Variants in PI15 observed in about 807,000 individuals in gnomAD.
The protein encoded by PI15 is 25 kDa trypsin inhibitor.
PI15 carries 18 observed loss-of-function variants against 31.0 expected under a neutral mutation model. That is an observed-to-expected ratio of 0.58 (90% CI 0.40 to 0.86). The LOEUF is 0.86. Among genes scored for constraint, PI15 ranks in the 40% least tolerant of loss-of-function variants. The probability of loss-of-function intolerance (pLI) is 0.00; values close to 1 mark genes in which losing one functional copy is unlikely to be tolerated. For missense variants in PI15, 282 were observed against 328.1 expected, an observed-to-expected ratio of 0.86 and a Z score of 1.09; for synonymous variants, 118 against 119.1, an observed-to-expected ratio of 0.99 and a Z score of 0.06.
rs1305710224 is a variant in PI15 at position 74,845,463 on chromosome 8, C to A, written c.607C>A (p.Arg203Ser). ...NMNVWGSVWR[R>S]AVYLVCNYAP... Reference sequence around the variant, plus strand: ...GAATGTTTGGGGATCTGTGTGGCGACGTGCAGTTTACTTGGTATGCAACTA... The same window carrying A: ...GAATGTTTGGGGATCTGTGTGGCGAAGTGCAGTTTACTTGGTATGCAACTA... The change falls in exon 5 of 6, where the codon CGT becomes AGT. Residue 203 changes from arginine (R) to serine (S), a missense_variant. Arg to Ser is a moderately radical substitution (Grantham distance 110, BLOSUM62 -1). Transcript: ENST00000260113. 2 of 1,613,434 alleles carry A rather than the reference C, an allele frequency of 1.2e-6. No homozygotes were observed. The highest frequency in any genetic ancestry group is 3.3e-5 in the Admixed American group (2 of 60,000).
rs574211947 is a variant in PI15, at chr8:74,844,826, C to T, written c.393-302C>T. On this transcript the variant is annotated intron_variant, in intron 3 of 5. Transcript: ENST00000260113. ...ATAAAATTCTGATGGAGGAAGTTTTCGACATGGATTAAATAAGACATTGAT... is the reference window on the plus strand; with the variant it reads ...ATAAAATTCTGATGGAGGAAGTTTTTGACATGGATTAAATAAGACATTGAT... 13 of 277,226 alleles carry T rather than the reference C, an allele frequency of 4.7e-5. 1 individual carries two copies. Among genetic ancestry groups the T allele is most frequent in the East Asian group, 4.6e-4 (7 of 15,118 alleles). The allele number at this position is 277,226 out of a possible 1,614,324, so 17.2% of individuals were successfully genotyped here.
intron 2 of PI15, among the ~76,000 whole-genome samples, chr8:74,835,877 C>A (rs189093387): frequency 6.6e-6 from 1 of 152,280 alleles, no homozygotes; most frequent in East Asian, 1.9e-4. Flanking sequence ...ATTTTTCTTT[C>A]ATGTATTCCT....
intron 5 of PI15, among the ~76,000 whole-genome samples, chr8:74,847,384 G>T (rs1380569312): frequency 2.0e-5 from 3 of 151,688 alleles, no homozygotes; most frequent in African/African-American, 7.3e-5. Flanking sequence ...GGTGGAGGTT[G>T]CAGTGAGCTG....
At chr8:74,844,121 G>A in intron 3 of PI15, 22 bp downstream of exon 3, 1 of 1,000,986 alleles carries the variant, frequency 1.0e-6, no homozygotes, top group South Asian at 1.3e-5. Flanking sequence ...TTTCACTGAT[G>A]CAGTTCATCC....
intron 2 of PI15, among the ~76,000 whole-genome samples, chr8:74,834,736 T>C (rs1179706012): frequency 6.6e-6 from 1 of 152,162 alleles, no homozygotes; most frequent in South Asian, 2.1e-4. Context: ...CCATCACTGG[T>C]TGCACTTTCT....
At chr8:74,830,176 C>A (rs932226668) in intron 2 of PI15, among the ~76,000 whole-genome samples, 2 of 151,674 alleles carry the variant, frequency 1.3e-5, no homozygotes, top group African/African-American at 4.8e-5. Flanking sequence ...AGGAGAACTC[C>A]CTGAAGTGTC....
rs915500083 is a variant in PI15, at chr8:74,845,590, G to C, written c.641+93G>C. ...TATCTGTGACAGGTAAGTGAGTAAGGCTTAGCTATAATGGCCTCTAATCCT... is the reference window on the plus strand; with the variant it reads ...TATCTGTGACAGGTAAGTGAGTAAGCCTTAGCTATAATGGCCTCTAATCCT... On this transcript the variant is annotated intron_variant, in intron 5 of 5. Coordinates refer to ENST00000260113, the MANE Select transcript of PI15 (RefSeq NM_015886.5). 1.3e-5 allele frequency: 10 copies of C among 778,224 alleles called. No homozygotes were observed. In the African/African-American group the frequency reaches 1.7e-4, roughly 13 times the overall value. The allele number at this position is 778,224 out of a possible 1,614,324, so 48.2% of individuals were successfully genotyped here.
chr8:74,838,402 T>C (rs1810899807), intron 2 of PI15, among the ~76,000 whole-genome samples: 1 of 152,184 alleles, frequency 6.6e-6, no homozygotes. Context: ...CCCATTCTTT[T>C]TAACCTTTTT....
chr8:74,825,202 C>T lies in PI15; in HGVS notation c.-40-8C>T. 1 of 1,590,704 alleles carries T rather than the reference C, an allele frequency of 6.3e-7. No individual in the cohort carries two copies. Among genetic ancestry groups the T allele is most frequent in the Non-Finnish European group, 8.6e-7 (1 of 1,162,160 alleles). On this transcript the variant is annotated splice_region_variant and splice_polypyrimidine_tract_variant and intron_variant, in intron 1 of 5. Transcript: ENST00000260113. ...CATAGACCCTAACTCTACCTTTCTG[C>T]TTTAAAGCAAAGTAAACTCGGTGGC...
At chr8:74,835,426 C>T (rs1020668078) in intron 2 of PI15, among the ~76,000 whole-genome samples, 25 of 152,072 alleles carry the variant, frequency 1.6e-4, no homozygotes, top group African/African-American at 6.0e-4. Context: ...AGTTATTTCC[C>T]TGGTGAGAAC....
rs1485210282 is a variant in PI15 at position 74,851,410 on chromosome 8, CTG to C, written c.*2160_*2161del. On this transcript the variant is annotated 3_prime_UTR_variant, in exon 6 of 6. Transcript: ENST00000260113. ...TTCCAATTTTGTTGCTGAATTGCTT[CTG>C]TGAGTTCACTTTTCAGTTCTAAGGA... 6.6e-6 allele frequency: 1 copy of C among 152,020 alleles called. No individual in the cohort carries two copies. The highest frequency in any genetic ancestry group is 1.5e-5 in the Non-Finnish European group (1 of 67,934). The allele number at this position is 152,020 out of a possible 1,614,324, so 9.4% of individuals were successfully genotyped here. A position where few individuals can be genotyped will look rare whatever the true frequency, so the allele number is the denominator to read the frequency against.
chr8:74,825,003 A>G (rs1810670899), intron 1 of PI15: 1 of 524,124 alleles, frequency 1.9e-6, no homozygotes, highest in East Asian at 3.0e-5. Flanking sequence ...TCTGCTATAC[A>G]AAGTTCCTCT....
At chr8:74,841,018 TA>T (rs1355721147) in intron 2 of PI15, among the ~76,000 whole-genome samples, 2 of 152,178 alleles carry the variant, frequency 1.3e-5, no homozygotes, top group Non-Finnish European at 2.9e-5. Context: ...CTTTTTGACA[TA>T]CCCAATATTT....
intron 2 of PI15, 54 bp downstream of exon 2, chr8:74,825,576 T>A: frequency 1.4e-6 from 2 of 1,430,362 alleles, no homozygotes; most frequent in Non-Finnish European, 1.9e-6. Context: ...AGCTTTATAT[T>A]GTACATCTGC....
At chr8:74,842,041 C>T (rs1810953425) in intron 2 of PI15, among the ~76,000 whole-genome samples, 1 of 151,694 alleles carries the variant, frequency 6.6e-6, no homozygotes, top group Admixed American at 6.6e-5. Flanking sequence ...ATTTTAAAGT[C>T]ACTAAATTAG....
intron 2 of PI15, among the ~76,000 whole-genome samples, chr8:74,830,912 C>T (rs978239013): frequency 1.3e-5 from 2 of 152,110 alleles, no homozygotes; most frequent in Admixed American, 1.3e-4. Context: ...TGGCAGGAGG[C>T]GTTTTCTCCA....
intron 2 of PI15, among the ~76,000 whole-genome samples, chr8:74,838,363 A>T (rs1810899285): frequency 6.6e-6 from 1 of 152,142 alleles, no homozygotes; most frequent in African/African-American, 2.4e-5. Flanking sequence ...TAGTAATATC[A>T]AATAAGATCA....
intron 2 of PI15, among the ~76,000 whole-genome samples, chr8:74,829,499 T>G (rs1005932460): frequency 6.6e-6 from 1 of 152,042 alleles, no homozygotes; most frequent in African/African-American, 2.4e-5. Flanking sequence ...AAGAATAAAA[T>G]TGCAAGACCC....
chr8:74,825,234 T>C lies in PI15; in HGVS notation c.-16T>C. 4 of 1,610,828 alleles carry C rather than the reference T, an allele frequency of 2.5e-6. No individual in the cohort carries two copies. Among genetic ancestry groups the C allele is most frequent in the Non-Finnish European group, 2.5e-6 (3 of 1,177,598 alleles). ...GCAAAGTAAACTCGGTGGCCTCTTC[T>C]TCTCCACCCCTCAAAATGATAGCAA... On this transcript the variant is annotated 5_prime_UTR_variant, in exon 2 of 6. Transcript: ENST00000260113.
Sources: gnomAD v4.1 joint callset for allele counts (sites outside exome capture counted in the v4.1 genomes callset) on GRCh38, gnomAD v4.1.1 for gene constraint, MANE v1.5 for transcripts, NCBI Gene and HGNC (gene_info 2026-07-23, HGNC 2026-07-21) for gene names.